The following TARBP1 variants were observed in gnomAD, a reference collection of about 807,000 sequenced individuals.
TARBP1 encodes the protein tRNA (guanosine(18)-2'-O)-methyltransferase TARBP1.
A neutral mutation model predicts 178.6 loss-of-function variants in TARBP1; 144 were observed. That is an observed-to-expected ratio of 0.81 (90% CI 0.70 to 0.93). The LOEUF (loss-of-function observed/expected upper bound fraction) is 0.93. Ranked by LOEUF, TARBP1 falls within the 40% of genes least tolerant of loss-of-function variation. The pLI is 0.00. For missense variants in TARBP1, 2,067 were observed against 2,011.7 expected, an observed-to-expected ratio of 1.03 and a Z score of -0.53; for synonymous variants, 787 against 781.0, an observed-to-expected ratio of 1.01 and a Z score of -0.13.
rs182758429 is a variant in TARBP1 at position 234,471,324 on chromosome 1, A to C, written c.1030-67T>G. The C allele has an allele frequency of 3.0e-4, 310 of 1,046,482 alleles. No individual in the cohort carries two copies. The East Asian group carries it at 5.6e-3, about 19-fold the overall frequency. 64.8% of individuals were successfully genotyped at this position (1,046,482 alleles called of 1,614,324 possible). On this transcript the variant is annotated intron_variant, in intron 2 of 29. Transcript: ENST00000040877. Reference sequence around the variant, plus strand: ...TCTTGAAAAATGTCAGGCAATTTTCATCTCTTTATTTCACAGTAGCTCTTC... The same window carrying C: ...TCTTGAAAAATGTCAGGCAATTTTCCTCTCTTTATTTCACAGTAGCTCTTC...
chr1:234,443,481 G>A (rs1161523915), intron 12 of TARBP1, among the ~76,000 whole-genome samples: 2 of 152,090 alleles, frequency 1.3e-5, no homozygotes, highest in Non-Finnish European at 2.9e-5. Context: ...AACGAGTGTT[G>A]GAGAGGATGT....
chr1:234,441,224 A>G (rs1393590369), intron 12 of TARBP1, among the ~76,000 whole-genome samples: 2 of 152,208 alleles, frequency 1.3e-5, no homozygotes, highest in Admixed American at 6.5e-5. Flanking sequence ...TCATGCATTA[A>G]AAGTTTCAGC....
intron 22 of TARBP1, among the ~76,000 whole-genome samples, chr1:234,413,817 G>A (rs1231336063): frequency 1.3e-5 from 2 of 152,190 alleles, no homozygotes; most frequent in Non-Finnish European, 2.9e-5. Flanking sequence ...TGACAGTAGC[G>A]TCGACTGAGA....
chr1:234,392,305 C>T lies in TARBP1; in HGVS notation c.4697+111G>A. The T allele has an allele frequency of 2.2e-6, 3 of 1,383,624 alleles. No homozygotes were observed. The South Asian group carries it at 4.2e-5, about 19-fold the overall frequency. 85.7% of individuals were successfully genotyped at this position (1,383,624 alleles called of 1,614,324 possible). Reference sequence around the variant, plus strand: ...GAGCCGAGATTGTGCCACTACACTCCAGCCTGGGCTACAGAGTGAGACTCC... The same window carrying T: ...GAGCCGAGATTGTGCCACTACACTCTAGCCTGGGCTACAGAGTGAGACTCC... On this transcript the variant is annotated intron_variant, in intron 29 of 29. Coordinates refer to ENST00000040877, the MANE Select transcript of TARBP1 (RefSeq NM_005646.4).
At chr1:234,460,638 T>C (rs1227957921) in intron 6 of TARBP1, among the ~76,000 whole-genome samples, 1 of 152,202 alleles carries the variant, frequency 6.6e-6, no homozygotes, top group Non-Finnish European at 1.5e-5. Context: ...GAAAAAAATA[T>C]GGCAGTTCCT....
Position 234,479,087 on chromosome 1 carries a change from G to GCGAGCACCCACTCCATTTGC in TARBP1, c.-4_16dup (p.Ala6GlyfsTer99), listed in dbSNP as rs1669884151. 1 of 1,538,392 alleles carries GCGAGCACCCACTCCATTTGC rather than the reference G, an allele frequency of 6.5e-7. No individual in the cohort carries two copies. Among genetic ancestry groups the GCGAGCACCCACTCCATTTGC allele is most frequent in the Admixed American group, 2.0e-5 (1 of 51,192 alleles). The stretch of plus-strand genomic sequence containing the variant: ...CCGGCTCTGCGAGAGCAGCGCTTCC[G>GCGAGCACCCACTCCATTTGC]CGAGCACCCACTCCATTTGCCGAGC... On this transcript the variant is annotated frameshift_variant, in exon 1 of 30. Coordinates refer to ENST00000040877, the MANE Select transcript of TARBP1 (RefSeq NM_005646.4). LOFTEE classifies it high-confidence loss of function.
In TARBP1 at chr1:234,430,133, G is replaced by A. The variant is rs1664270741; in HGVS notation, c.2563C>T (p.His855Tyr). ...GCATAACTGCTCTGCTCCTCTGCGT[G>A]GGGCTTCTGCAGCGTCTGATTGAGC... Reference protein sequence around the residue: ...LQLNQTLQKPHAEEQSSYAHP... With the variant: ...LQLNQTLQKPYAEEQSSYAHP... The change falls in exon 15 of 30, where the codon CAC becomes TAC. Residue 855 changes from histidine (H) to tyrosine (Y), a missense_variant. By Grantham distance (83) the His-to-Tyr change is moderately conservative. Coordinates refer to ENST00000040877, the MANE Select transcript of TARBP1 (RefSeq NM_005646.4). 1 of 1,614,162 alleles carries A rather than the reference G, an allele frequency of 6.2e-7. No homozygotes were observed. Among genetic ancestry groups the A allele is most frequent in the Non-Finnish European group, 8.5e-7 (1 of 1,180,026 alleles).
intron 10 of TARBP1, among the ~76,000 whole-genome samples, chr1:234,450,157 C>T (rs1020385338): frequency 7.3e-6 from 1 of 137,264 alleles, no homozygotes; most frequent in African/African-American, 2.7e-5. Context: ...AAATAAATGA[C>T]TTTGCATCCA....
chr1:234,464,891 C>T (rs1030224628), intron 5 of TARBP1, among the ~76,000 whole-genome samples: 1 of 152,182 alleles, frequency 6.6e-6, no homozygotes, highest in Non-Finnish European at 1.5e-5. Flanking sequence ...TCCTGACAAA[C>T]TTCTCACTGT....
At chr1:234,452,773 T>C (rs1303933388) in intron 9 of TARBP1, among the ~76,000 whole-genome samples, 1 of 152,200 alleles carries the variant, frequency 6.6e-6, no homozygotes, top group African/African-American at 2.4e-5. Context: ...ATGTTTACAG[T>C]AGTCTTACAA....
intron 6 of TARBP1, among the ~76,000 whole-genome samples, chr1:234,461,605 C>T (rs1667868231): frequency 6.6e-6 from 1 of 152,138 alleles, no homozygotes; most frequent in Non-Finnish European, 1.5e-5. Context: ...CCACACCCGG[C>T]CAGTAAAAGA....
chr1:234,472,791 A>ACCAC lies in TARBP1; in HGVS notation c.948_951dup (p.Ser318ValfsTer3). 6.2e-7 allele frequency: 1 copy of ACCAC among 1,600,202 alleles called. No homozygotes were observed. The highest frequency in any genetic ancestry group is 2.2e-5 in the East Asian group (1 of 44,558). ...AGAAGCTCATCTTTTTTCCTCTCAG[A>ACCAC]CCACCAAAACAGACTTGGGCCTGAT... On this transcript the variant is annotated frameshift_variant, in exon 2 of 30. Transcript: ENST00000040877. LOFTEE classifies it high-confidence loss of function.
chr1:234,391,821 TG>T (rs1659400153), intron 29 of TARBP1, 76 bp from the exon 30 acceptor site: 7 of 1,446,386 alleles, frequency 4.8e-6, no homozygotes, highest in Non-Finnish European at 6.6e-6. Flanking sequence ...TTTTATTTTT[TG>T]TTTATTCACT....
chr1:234,440,504 C>G (rs996406173), intron 12 of TARBP1, among the ~76,000 whole-genome samples: 1 of 152,008 alleles, frequency 6.6e-6, no homozygotes, highest in African/African-American at 2.4e-5. Flanking sequence ...CACACACACA[C>G]AAATTATCAC....
chr1:234,400,437 T>C (rs1312336723), intron 25 of TARBP1: 1 of 152,016 alleles, frequency 6.6e-6, no homozygotes, highest in Non-Finnish European at 1.5e-5. Flanking sequence ...TTGCAATATA[T>C]AGATCTATAC....
intron 16 of TARBP1, 45 bp from the exon 17 acceptor site, chr1:234,429,369 C>A: frequency 1.3e-6 from 2 of 1,566,638 alleles, no homozygotes; most frequent in South Asian, 1.2e-5. Context: ...AAAACTTGAT[C>A]GCCACTCCTA....
At chr1:234,393,962 C>T (rs2103027753) in intron 26 of TARBP1, 125 bp from the exon 27 acceptor site, 1 of 785,802 alleles carries the variant, frequency 1.3e-6, no homozygotes, top group Non-Finnish European at 1.9e-6. Flanking sequence ...TAGAATGAGA[C>T]TTAACAAAGC....
At chr1:234,419,198 T>A (rs1662805405) in intron 21 of TARBP1, among the ~76,000 whole-genome samples, 1 of 151,670 alleles carries the variant, frequency 6.6e-6, no homozygotes, top group African/African-American at 2.4e-5. Context: ...AAAAATAAAA[T>A]AAAATAAAAT....
chr1:234,472,800 A>G lies in TARBP1; in HGVS notation c.943T>C (p.Phe315Leu). ...GPQEGNGPSL[F>L]WWSERKKDEL... ...TCTTTTTTCCTCTCAGACCACCAAA[A>G]CAGACTTGGGCCTGATATGGTTTAA... Residue 315 changes from phenylalanine to leucine, a missense_variant, in exon 2 of 30, where the codon TTT becomes CTT. Phe to Leu is a conservative substitution (Grantham distance 22, BLOSUM62 0). Coordinates refer to ENST00000040877, the MANE Select transcript of TARBP1 (RefSeq NM_005646.4). 6.3e-7 allele frequency: 1 copy of G among 1,597,226 alleles called. No homozygotes were observed. The highest frequency in any genetic ancestry group is 8.5e-7 in the Non-Finnish European group (1 of 1,175,848).
Sources: allele counts gnomAD v4.1 joint callset (sites outside exome capture counted in the v4.1 genomes callset), GRCh38; gene constraint gnomAD v4.1.1; transcripts MANE v1.5; gene names NCBI Gene and HGNC (gene_info 2026-07-23, HGNC 2026-07-21).